Variants in AGMO observed in about 807,000 individuals in gnomAD.
AGMO encodes alkylglycerol monooxygenase, also known as glyceryl-ether monooxygenase.
A neutral mutation model predicts 60.2 loss-of-function variants in AGMO; 75 were observed. That is an observed-to-expected ratio of 1.25 (90% CI 1.03 to 1.51). AGMO has a LOEUF of 1.51. AGMO is among the 40% of genes most tolerant of loss of function. The pLI is 0.00. For synonymous variants in AGMO, 261 were observed against 177.1 expected, an observed-to-expected ratio of 1.47 and a Z score of -3.76; for missense variants, 763 against 525.5, an observed-to-expected ratio of 1.45 and a Z score of -4.42.
chr7:15,552,238 A>G (rs911484903), intron 2 of AGMO, among the ~76,000 whole-genome samples: 3 of 152,200 alleles, frequency 2.0e-5, no homozygotes, highest in Non-Finnish European at 4.4e-5. Flanking sequence ...CCTAGGCATT[A>G]CCATTCGGGA....
chr7:15,423,181 G>A (rs138275008), intron 4 of AGMO, among the ~76,000 whole-genome samples: 2 of 151,846 alleles, frequency 1.3e-5, no homozygotes, highest in Non-Finnish European at 2.9e-5. Context: ...CATTACTTTA[G>A]AGAAAAAGCA....
chr7:15,303,592 G>A lies in AGMO; in HGVS notation c.1263+61922C>T, dbSNP rs777565440. On this transcript the variant is annotated intron_variant, in intron 12 of 12. Coordinates refer to ENST00000342526, the MANE Select transcript of AGMO (RefSeq NM_001004320.2). ...GTGACGCGAGCATGGGGATGACCTC[G>A]GCTGTTTAACTGCAATGTGTGTTTC... Among the ~76,000 whole-genome samples the A allele has an allele frequency of 1.4e-4, 21 of 152,144 alleles. 1 individual carries two copies. The highest frequency in any genetic ancestry group is 4.1e-4 in the South Asian group (2 of 4,820).
intron 10 of AGMO, among the ~76,000 whole-genome samples, chr7:15,380,454 G>A (rs1783632591): frequency 6.6e-6 from 1 of 152,020 alleles, no homozygotes; most frequent in African/African-American, 2.4e-5. Flanking sequence ...AGATAACCAG[G>A]GAGGTGAAAG....
At chr7:15,393,181 G>C (rs538961341) in intron 6 of AGMO, among the ~76,000 whole-genome samples, 3 of 152,186 alleles carry the variant, frequency 2.0e-5, no homozygotes, top group Non-Finnish European at 2.9e-5. Flanking sequence ...TGTGCCCTCT[G>C]ATCTGGCCTC....
At chr7:15,242,846 T>C (rs1292519416) in intron 12 of AGMO, among the ~76,000 whole-genome samples, 1 of 152,114 alleles carries the variant, frequency 6.6e-6, no homozygotes, top group Non-Finnish European at 1.5e-5. Context: ...TAAAATGATT[T>C]AATCTATTGA....
At chr7:15,172,233 C>T in the AGMO span, among the ~76,000 whole-genome samples, 1 of 152,154 alleles carries the variant, frequency 6.6e-6, no homozygotes, top group Non-Finnish European at 1.5e-5. Context: ...TACAAGATTG[C>T]CAACATTCCA....
At chr7:15,296,238 G>A (rs1025106100) in intron 12 of AGMO, among the ~76,000 whole-genome samples, 2 of 152,084 alleles carry the variant, frequency 1.3e-5, no homozygotes, top group African/African-American at 4.8e-5. Flanking sequence ...GCTAATGTCA[G>A]AGATAGAGGT....
chr7:15,333,697 C>T (rs1332445565), intron 12 of AGMO, among the ~76,000 whole-genome samples: 2 of 151,572 alleles, frequency 1.3e-5, no homozygotes, highest in South Asian at 2.1e-4. Context: ...AACAAAACCA[C>T]CAATATTTAA....
intron 12 of AGMO, among the ~76,000 whole-genome samples, chr7:15,361,996 T>C (rs914489790): frequency 6.6e-6 from 1 of 152,160 alleles, no homozygotes; most frequent in Non-Finnish European, 1.5e-5. Flanking sequence ...TGACATTGAT[T>C]CTAGTGATAG....
At chr7:15,411,601 A>T (rs1051648332) in intron 5 of AGMO, among the ~76,000 whole-genome samples, 24 of 151,818 alleles carry the variant, frequency 1.6e-4, no homozygotes, top group Non-Finnish European at 2.6e-4. Flanking sequence ...ATGAAATATT[A>T]AAAAAAATCT....
At chr7:15,476,712 T>G (rs1782602041) in intron 3 of AGMO, among the ~76,000 whole-genome samples, 1 of 152,122 alleles carries the variant, frequency 6.6e-6, no homozygotes, top group South Asian at 2.1e-4. Context: ...TTAGATTATG[T>G]CGGCTGGACT....
intron 3 of AGMO, among the ~76,000 whole-genome samples, chr7:15,471,209 C>T (rs1036796410): frequency 6.6e-6 from 1 of 152,062 alleles, no homozygotes; most frequent in East Asian, 1.9e-4. Flanking sequence ...CTGGTATGAT[C>T]TCACAACTCT....
At chr7:15,435,312 G>A (rs1251765418) in intron 3 of AGMO, among the ~76,000 whole-genome samples, 2 of 137,502 alleles carry the variant, frequency 1.5e-5, no homozygotes, top group African/African-American at 5.5e-5. Flanking sequence ...AAGTGGCTGT[G>A]CCTTTTTTTT....
At position 15,481,681 on chromosome 7, in the gene AGMO, G is replaced by A. The variant is rs1583597372; in HGVS notation, c.410-50573C>T. ...AAAAGAAGCAGGCAAAATACTTAAT[G>A]AGAATATAGAAATTAGACCAAGTTT... On this transcript the variant is annotated intron_variant, in intron 3 of 12. Transcript: ENST00000342526. Among the ~76,000 whole-genome samples the A allele has an allele frequency of 1.3e-5, 2 of 151,802 alleles. 1 individual carries two copies. The highest frequency in any genetic ancestry group is 6.8e-3 in the Middle Eastern group (2 of 292).
chr7:15,290,734 CA>C lies in AGMO; in HGVS notation c.1263+74779del, dbSNP rs529753240. 2.7e-3 allele frequency among the ~76,000 whole-genome samples: 418 copies of C among 152,078 alleles called. 1 individual carries two copies. The highest frequency in any genetic ancestry group is 4.8e-3 in the Non-Finnish European group (323 of 67,976). ...CCCACATTCCATTTTATCAAATCAT[CA>C]AAAAAATTATTTAAATTGTACCTAT... On this transcript the variant is annotated intron_variant, in intron 12 of 12. Transcript: ENST00000342526.
the AGMO span, among the ~76,000 whole-genome samples, chr7:15,165,410 A>T: frequency 4.6e-5 from 7 of 152,294 alleles, no homozygotes; most frequent in Non-Finnish European, 1.0e-4. Flanking sequence ...AGTTACCATA[A>T]AAGACAAGAG....
chr7:15,337,795 T>G (rs1466215514), intron 12 of AGMO, among the ~76,000 whole-genome samples: 2 of 152,218 alleles, frequency 1.3e-5, no homozygotes, highest in African/African-American at 4.8e-5. Context: ...TTTCTTACAT[T>G]TAGCAGATTG....
intron 12 of AGMO, among the ~76,000 whole-genome samples, chr7:15,299,336 T>C (rs572861609): frequency 2.0e-5 from 3 of 152,302 alleles, no homozygotes; most frequent in African/African-American, 4.8e-5. Flanking sequence ...TTTATACTTA[T>C]GTAATACTGG....
In AGMO at chr7:15,385,560, G is replaced by A; in HGVS notation, c.960C>T (p.Val320=). 1.9e-6 allele frequency: 3 copies of A among 1,563,408 alleles called. No homozygotes were observed. Among genetic ancestry groups the A allele is most frequent in the Non-Finnish European group, 2.6e-6 (3 of 1,134,504 alleles). The change falls in exon 10 of 13, where the codon GTC becomes GTT. Residue 320 remains valine, a splice_region_variant and synonymous_variant. Transcript: ENST00000342526. The part of the protein sequence containing the change: ...RLGLSEEIPE[V]TGKEVPFSSS... ...ATGAGAAGGGAACTTCTTTGCCGGT[G>A]ACCTAGGGAGACAAGAACCATTTCC...
Sources: allele counts gnomAD v4.1 joint callset (sites outside exome capture counted in the v4.1 genomes callset), GRCh38; gene constraint gnomAD v4.1.1; transcripts MANE v1.5; gene names NCBI Gene and HGNC (gene_info 2026-07-23, HGNC 2026-07-21).